UCK2: variants seen among roughly 807,000 people sequenced by gnomAD.
The protein encoded by UCK2 is cytidine monophosphokinase 2.
In UCK2, 6 loss-of-function variants were observed where a neutral mutation model predicts 30.8. That is an observed-to-expected ratio of 0.19 (90% confidence interval 0.11 to 0.38). The LOEUF is 0.38. Among genes scored for constraint, UCK2 ranks in the 10% least tolerant of loss-of-function variants. The pLI, the probability that UCK2 is intolerant of heterozygous loss-of-function variation, is 1.00. For synonymous variants in UCK2, 125 were observed against 133.6 expected (o/e 0.94, Z 0.45); for missense variants, 210 against 339.8 (o/e 0.62, Z 3.00).
chr1:165,844,027 C>T lies in UCK2; in HGVS notation c.99+16095C>T, dbSNP rs539947660. Reference sequence around the variant, plus strand: ...CTAAGTGTTTTATTTGTATTAATGCCTTTATTTCCTCTCACAGCCCTTTCA... The same window carrying T: ...CTAAGTGTTTTATTTGTATTAATGCTTTTATTTCCTCTCACAGCCCTTTCA... On this transcript the variant is annotated intron_variant, in intron 1 of 6. Coordinates refer to ENST00000367879, the MANE Select transcript of UCK2 (RefSeq NM_012474.5). 4.6e-5 allele frequency among the ~76,000 whole-genome samples: 7 copies of T among 152,292 alleles called. No individual in the cohort carries two copies. The East Asian group carries it at 1.4e-3, about 29-fold the overall frequency.
At chr1:165,832,566 A>T (rs1045025839) in intron 1 of UCK2, among the ~76,000 whole-genome samples, 1 of 152,062 alleles carries the variant, frequency 6.6e-6, no homozygotes, top group Non-Finnish European at 1.5e-5. Context: ...GGTTAGGGGA[A>T]CTTTTGACTT....
intron 1 of UCK2, among the ~76,000 whole-genome samples, chr1:165,864,807 G>GC (rs1655009581): frequency 7.4e-5 from 11 of 148,038 alleles, no homozygotes; most frequent in African/African-American, 1.9e-4. Flanking sequence ...AGCCTCCTGA[G>GC]TGTCCAGGAC....
intron 1 of UCK2, among the ~76,000 whole-genome samples, chr1:165,843,020 GCTGTCACTTCCCCTAGGAAGTGTT>G (rs1160161367): frequency 3.3e-5 from 5 of 152,298 alleles, no homozygotes; most frequent in Admixed American, 2.6e-4. Context: ...GACCTCTTGA[GCTGTCACTTCCCCTAGGAAGTGTT>G]CTGTCAGTTG....
rs929847860 is a variant in UCK2 at position 165,830,324 on chromosome 1, T to A, written c.99+2392T>A. On this transcript the variant is annotated intron_variant, in intron 1 of 6. Transcript: ENST00000367879. The stretch of plus-strand genomic sequence containing the variant: ...GGCTGGCTTTTTAATCTTTATTTTT[T>A]TTATTATTTTTTTTTTTTGAGACAG... Among the ~76,000 whole-genome samples, 10 of 98,980 alleles carry A rather than the reference T, an allele frequency of 1.0e-4. 1 individual carries two copies. The highest frequency in any genetic ancestry group is 5.1e-4 in the Admixed American group (5 of 9,848). 64.9% of individuals were successfully genotyped at this position (98,980 alleles called of 152,430 possible). A position where few individuals can be genotyped will look rare whatever the true frequency, so the allele number is the denominator to read the frequency against.
At chr1:165,834,280 A>G (rs1043444409) in intron 1 of UCK2, among the ~76,000 whole-genome samples, 2 of 152,212 alleles carry the variant, frequency 1.3e-5, no homozygotes, top group African/African-American at 4.8e-5. Context: ...AAATCATGAT[A>G]TTCCCATCCT....
At chr1:165,849,593 GTT>G (rs906829698) in intron 1 of UCK2, among the ~76,000 whole-genome samples, 1 of 152,196 alleles carries the variant, frequency 6.6e-6, no homozygotes, top group Admixed American at 6.5e-5. Context: ...ACTAATTATA[GTT>G]TTACACAATG....
In UCK2 at chr1:165,881,182, T is replaced by TAAA. The variant is rs56886913; in HGVS notation, c.100-9000_100-8998dup. Among the ~76,000 whole-genome samples, 572 of 92,818 alleles carry TAAA rather than the reference T, an allele frequency of 6.2e-3. 7 individuals are homozygous for TAAA. Among genetic ancestry groups the TAAA allele is most frequent in the African/African-American group, 0.022 (523 of 23,646 alleles). 60.9% of individuals were successfully genotyped at this position (92,818 alleles called of 152,430 possible). A position where few individuals can be genotyped will look rare whatever the true frequency, so the allele number is the denominator to read the frequency against. On this transcript the variant is annotated intron_variant, in intron 1 of 6. Coordinates refer to ENST00000367879, the MANE Select transcript of UCK2 (RefSeq NM_012474.5). ...AGTAAGACTCTGTCTCAATAAAACT[T>TAAA]AAAAAAAAAAAAAAAAAAAAAAAAG...
intron 1 of UCK2, among the ~76,000 whole-genome samples, chr1:165,880,360 TTTG>T (rs373308168): frequency 9.9e-5 from 15 of 152,102 alleles, no homozygotes; most frequent in African/African-American, 3.6e-4. Context: ...AGGGGCCCAG[TTTG>T]TTGTTTTTCA....
At chr1:165,841,952 A>G (rs1654341522) in intron 1 of UCK2, among the ~76,000 whole-genome samples, 1 of 152,204 alleles carries the variant, frequency 6.6e-6, no homozygotes, top group Non-Finnish European at 1.5e-5. Context: ...AGTAAATGCT[A>G]CAGTCATAAA....
At chr1:165,878,937 A>G (rs532664402) in intron 1 of UCK2, among the ~76,000 whole-genome samples, 2 of 152,330 alleles carry the variant, frequency 1.3e-5, no homozygotes, top group African/African-American at 4.8e-5. Flanking sequence ...CCTACCAGCA[A>G]TGAGTGAGAG....
intron 1 of UCK2, among the ~76,000 whole-genome samples, chr1:165,872,414 A>C (rs1341209029): frequency 6.6e-6 from 1 of 152,212 alleles, no homozygotes; most frequent in Non-Finnish European, 1.5e-5. Context: ...CTCACTTAAA[A>C]TAGGACAGCA....
chr1:165,886,901 C>A (rs994810874), intron 1 of UCK2, among the ~76,000 whole-genome samples: 2 of 152,154 alleles, frequency 1.3e-5, no homozygotes, highest in Non-Finnish European at 2.9e-5. Context: ...TTTTAGGGCC[C>A]ATTTGTAATA....
intron 4 of UCK2, among the ~76,000 whole-genome samples, chr1:165,902,037 C>T (rs969872353): frequency 2.0e-5 from 3 of 151,254 alleles, no homozygotes; most frequent in Admixed American, 6.6e-5. Flanking sequence ...AGATCGAGAC[C>T]ATCCTGGCTA....
chr1:165,895,231 T>C (rs912762193), intron 3 of UCK2, among the ~76,000 whole-genome samples: 10 of 152,112 alleles, frequency 6.6e-5, no homozygotes, highest in Admixed American at 5.2e-4. Context: ...CTGGGCAATA[T>C]GGTAAAACCC....
chr1:165,843,363 A>G (rs1654375766), intron 1 of UCK2, among the ~76,000 whole-genome samples: 1 of 152,212 alleles, frequency 6.6e-6, no homozygotes, highest in African/African-American at 2.4e-5. Context: ...TCATCTTTAA[A>G]TGAACCCTAC....
intron 1 of UCK2, among the ~76,000 whole-genome samples, chr1:165,835,906 C>T (rs1654176817): frequency 6.6e-6 from 1 of 152,156 alleles, no homozygotes; most frequent in Non-Finnish European, 1.5e-5. Context: ...TGCATTACTA[C>T]TGTACTTATT....
At chr1:165,903,155 T>G in intron 4 of UCK2, 27 bp from the exon 5 acceptor site, 1 of 1,601,082 alleles carries the variant, frequency 6.2e-7, no homozygotes, top group Non-Finnish European at 8.5e-7. Context: ...CACCGTTTTT[T>G]GATTCTTGTT....
In UCK2 at chr1:165,827,686, C is replaced by T; in HGVS notation, c.-148C>T. The stretch of plus-strand genomic sequence containing the variant: ...CGGGAAACCCAGCCCCGTCACCGGG[C>T]TCCGAGCGGCTCGCAGGCGAGCGAC... On this transcript the variant is annotated 5_prime_UTR_variant, in exon 1 of 7. Transcript: ENST00000367879. The T allele has an allele frequency of 1.6e-6, 1 of 613,322 alleles. No homozygotes were observed. The highest frequency in any genetic ancestry group is 2.4e-6 in the Non-Finnish European group (1 of 418,634). 38.0% of individuals were successfully genotyped at this position (613,322 alleles called of 1,614,324 possible).
At chr1:165,862,832 T>C (rs979616133) in intron 1 of UCK2, among the ~76,000 whole-genome samples, 1 of 152,216 alleles carries the variant, frequency 6.6e-6, no homozygotes, top group Non-Finnish European at 1.5e-5. Context: ...TTGGATACCT[T>C]CCCTTTCACT....
Sources: gnomAD v4.1 joint callset for allele counts (sites outside exome capture counted in the v4.1 genomes callset) on GRCh38, gnomAD v4.1.1 for gene constraint, MANE v1.5 for transcripts, NCBI Gene and HGNC (gene_info 2026-07-23, HGNC 2026-07-21) for gene names.